The following MET variants were observed in gnomAD, a reference collection of about 807,000 sequenced individuals.
MET encodes the protein hepatocyte growth factor receptor.
In MET, 48 loss-of-function variants were observed where a neutral mutation model predicts 133.1. That is an observed-to-expected ratio of 0.36 (90% CI 0.29 to 0.46). The LOEUF (loss-of-function observed/expected upper bound fraction) is 0.46. Ranked by LOEUF, MET falls within the 20% of genes least tolerant of loss-of-function variation. The pLI is 1.00. For missense variants in MET, 1,442 were observed against 1,695.9 expected, an observed-to-expected ratio of 0.85 and a Z score of 2.63; for synonymous variants, 628 against 616.5, an observed-to-expected ratio of 1.02 and a Z score of -0.28.
intron 2 of MET, among the ~76,000 whole-genome samples, chr7:116,705,928 C>T (rs1263760186): frequency 6.6e-6 from 1 of 152,062 alleles, no homozygotes; most frequent in Non-Finnish European, 1.5e-5. Flanking sequence ...ACTGGGCACA[C>T]CCTTGGGGTG....
chr7:116,679,549 G>A (rs950023253), intron 1 of MET, among the ~76,000 whole-genome samples: 1 of 152,152 alleles, frequency 6.6e-6, no homozygotes, highest in African/African-American at 2.4e-5. Context: ...CTTACTGATT[G>A]AAAGCTATGC....
chr7:116,737,236 A>T (rs1793250558), intron 3 of MET, among the ~76,000 whole-genome samples: 1 of 152,186 alleles, frequency 6.6e-6, no homozygotes, highest in East Asian at 1.9e-4. Flanking sequence ...CTAACTCGTG[A>T]TCAAAAGTAG....
chr7:116,740,829 C>G, intron 4 of MET, 23 bp from the exon 5 acceptor site: 3 of 1,613,564 alleles, frequency 1.9e-6, no homozygotes, highest in Non-Finnish European at 2.5e-6. Context: ...TCTGGAAGCT[C>G]TTTCCACCCC....
chr7:116,791,089 A>AATG (rs1163121852), intron 19 of MET, among the ~76,000 whole-genome samples: 5 of 152,310 alleles, frequency 3.3e-5, no homozygotes, highest in Admixed American at 3.3e-4. Context: ...AAATAATAAT[A>AATG]ATAAAGAACA....
chr7:116,747,398 C>A (rs1793734187), intron 5 of MET, among the ~76,000 whole-genome samples: 1 of 152,094 alleles, frequency 6.6e-6, no homozygotes, highest in African/African-American at 2.4e-5. Context: ...CGTGCAAAGA[C>A]ACACATAGGC....
At chr7:116,727,533 G>C (rs1456120233) in intron 2 of MET, among the ~76,000 whole-genome samples, 1 of 152,068 alleles carries the variant, frequency 6.6e-6, no homozygotes, top group Non-Finnish European at 1.5e-5. Context: ...AGAGAGTCAG[G>C]CTGGTTCCCT....
intron 4 of MET, among the ~76,000 whole-genome samples, chr7:116,740,527 T>C (rs1793404309): frequency 1.3e-5 from 2 of 152,194 alleles, no homozygotes; most frequent in African/African-American, 4.8e-5. Flanking sequence ...TTCCCACCAC[T>C]TAAATTATAC....
intron 17 of MET, among the ~76,000 whole-genome samples, chr7:116,781,430 G>A (rs1795151769): frequency 6.6e-6 from 1 of 152,142 alleles, no homozygotes. Context: ...TTCCCATCTG[G>A]AAAATGGAGC....
rs2116594601 is a variant in MET, at chr7:116,699,744, G to C, written c.660G>C (p.Lys220Asn). 1 of 1,614,092 alleles carries C rather than the reference G, an allele frequency of 6.2e-7. No individual in the cohort carries two copies. The highest frequency in any genetic ancestry group is 8.5e-7 in the Non-Finnish European group (1 of 1,179,974). ...ATTCGATATCAGTGAGAAGGCTAAA[G>C]GAAACGAAAGATGGTTTTATGTTTT... The part of the protein sequence containing the change: ...PLHSISVRRL[K>N]ETKDGFMFLT... Residue 220 changes from lysine (K) to asparagine (N), a missense_variant, in exon 2 of 21, where the codon AAG becomes AAC. This residue lies in a region of MET where 762 missense variants were observed against 792.4 expected (regional missense o/e 0.96). Transcript: ENST00000397752.
chr7:116,696,112 G>A (rs1015862695), intron 1 of MET, among the ~76,000 whole-genome samples: 4 of 151,934 alleles, frequency 2.6e-5, no homozygotes, highest in African/African-American at 9.7e-5. Flanking sequence ...CAAGTGATCT[G>A]CCCACCTCAG....
At chr7:116,716,334 A>AGAGAGG in intron 2 of MET, among the ~76,000 whole-genome samples, 1 of 133,954 alleles carries the variant, frequency 7.5e-6, no homozygotes, top group Non-Finnish European at 1.6e-5. Flanking sequence ...AGAGAGAGAG[A>AGAGAGG]GAGAAAAGAA....
intron 19 of MET, 29 bp from the exon 20 acceptor site, chr7:116,795,626 C>T: frequency 9.3e-6 from 15 of 1,612,904 alleles, no homozygotes; most frequent in Non-Finnish European, 1.3e-5. Flanking sequence ...CATCTCTCAC[C>T]TCATCTGTCC....
chr7:116,730,184 CA>C (rs1792948013), intron 2 of MET, among the ~76,000 whole-genome samples: 2 of 152,100 alleles, frequency 1.3e-5, no homozygotes, highest in South Asian at 4.1e-4. Flanking sequence ...TAGGAGTTAA[CA>C]AGGTGAATGA....
chr7:116,712,932 C>T (rs559799281), intron 2 of MET, among the ~76,000 whole-genome samples: 1 of 152,266 alleles, frequency 6.6e-6, no homozygotes, highest in South Asian at 2.1e-4. Context: ...CAGCACTCAC[C>T]CTTTGAGCGG....
intron 7 of MET, 37 bp downstream of exon 7, chr7:116,757,576 C>T (rs747473463): frequency 6.2e-7 from 1 of 1,612,474 alleles, no homozygotes. Flanking sequence ...TTGATTTTTA[C>T]TTAATCTATT....
chr7:116,740,618 A>G (rs996484697), intron 4 of MET, among the ~76,000 whole-genome samples: 1 of 152,220 alleles, frequency 6.6e-6, no homozygotes, highest in African/African-American at 2.4e-5. Context: ...TGGCAATGCT[A>G]TGCTCACTGG....
intron 19 of MET, among the ~76,000 whole-genome samples, chr7:116,783,728 C>T (rs1046089920): frequency 3.3e-5 from 5 of 152,202 alleles, no homozygotes; most frequent in Admixed American, 2.0e-4. Context: ...TGAACCCTGT[C>T]GGCCAAGAAC....
chr7:116,705,674 G>T (rs1031750115), intron 2 of MET, among the ~76,000 whole-genome samples: 16 of 152,120 alleles, frequency 1.1e-4, no homozygotes, highest in Non-Finnish European at 2.1e-4. Flanking sequence ...AATCCTTGAG[G>T]TATAAAGATT....
At chr7:116,714,291 GATTT>G (rs1265387204) in intron 2 of MET, among the ~76,000 whole-genome samples, 5 of 152,070 alleles carry the variant, frequency 3.3e-5, no homozygotes, top group Non-Finnish European at 7.4e-5. Context: ...CAAGAGAAAG[GATTT>G]ATTTATTTCA....
Sources: gnomAD v4.1 joint callset for allele counts (sites outside exome capture counted in the v4.1 genomes callset) on GRCh38, gnomAD v4.1.1 for gene constraint, gnomAD v4.1.1 regional missense constraint, MANE v1.5 for transcripts, NCBI Gene and HGNC (gene_info 2026-07-23, HGNC 2026-07-21) for gene names.